Variants in DRC8 observed in about 807,000 individuals in gnomAD.
DRC8 encodes dynein regulatory complex protein 8.
the DRC8 span, among the ~76,000 whole-genome samples, chr1:245,003,366 C>T: frequency 6.6e-6 from 1 of 152,174 alleles, no homozygotes; most frequent in Non-Finnish European, 1.5e-5. Context: ...AACTACGATA[C>T]TGGTTTCCAA....
At chr1:245,034,599 T>TAAAA in the DRC8 span, among the ~76,000 whole-genome samples, 1 of 15,246 alleles carries the variant, frequency 6.6e-5, no homozygotes, top group African/African-American at 3.0e-4. Context: ...AGACTCCATC[T>TAAAA]CAAAAAAAAA....
the DRC8 span, among the ~76,000 whole-genome samples, chr1:245,054,421 G>T: frequency 6.6e-6 from 1 of 152,138 alleles, no homozygotes; most frequent in Admixed American, 6.5e-5. Context: ...TCAACGGAGA[G>T]TGCCCTTGTC....
chr1:245,007,564 A>G, the DRC8 span, among the ~76,000 whole-genome samples: 1 of 152,214 alleles, frequency 6.6e-6, no homozygotes, highest in Non-Finnish European at 1.5e-5. Flanking sequence ...ACAGACAGAC[A>G]TGGAAAGAGG....
chr1:244,978,757 T>C, the DRC8 span, among the ~76,000 whole-genome samples: 1 of 152,196 alleles, frequency 6.6e-6, no homozygotes, highest in East Asian at 1.9e-4. Context: ...CCCAAAGTGC[T>C]GGGATTACAG....
At chr1:245,057,916 T>G in the DRC8 span, among the ~76,000 whole-genome samples, 1 of 152,204 alleles carries the variant, frequency 6.6e-6, no homozygotes, top group Non-Finnish European at 1.5e-5. Context: ...TTTGTTCCTA[T>G]TAACCCAATA....
At chr1:244,979,030 A>G in the DRC8 span, among the ~76,000 whole-genome samples, 14 of 152,198 alleles carry the variant, frequency 9.2e-5, no homozygotes, top group East Asian at 2.7e-3. Flanking sequence ...GTGCCTGGGG[A>G]GAGTCACCTG....
the DRC8 span, among the ~76,000 whole-genome samples, chr1:245,070,010 A>T: frequency 6.6e-6 from 1 of 152,104 alleles, no homozygotes. Flanking sequence ...GCACCACCAC[A>T]CTCCAGCCTG....
chr1:245,084,434 C>T, the DRC8 span, among the ~76,000 whole-genome samples: 1 of 152,114 alleles, frequency 6.6e-6, no homozygotes, highest in Non-Finnish European at 1.5e-5. Context: ...TCATTTTTAA[C>T]ACTAAAAATG....
At chr1:245,047,297 C>T in the DRC8 span, among the ~76,000 whole-genome samples, 1 of 152,146 alleles carries the variant, frequency 6.6e-6, no homozygotes, top group African/African-American at 2.4e-5. Context: ...TATGGATTAT[C>T]TACTGTATTC....
chr1:245,063,909 G>A, the DRC8 span, among the ~76,000 whole-genome samples: 4 of 152,106 alleles, frequency 2.6e-5, no homozygotes, highest in Admixed American at 6.6e-5. Context: ...TTTTAGTAGA[G>A]ACGGGGTTTC....
the DRC8 span, among the ~76,000 whole-genome samples, chr1:245,073,888 A>G: frequency 6.6e-6 from 1 of 152,218 alleles, no homozygotes; most frequent in Non-Finnish European, 1.5e-5. Flanking sequence ...CACAAAGAAC[A>G]TGTATTATCT....
the DRC8 span, among the ~76,000 whole-genome samples, chr1:245,027,361 A>G: frequency 6.6e-6 from 1 of 152,248 alleles, no homozygotes. Context: ...GGAGGAAAGG[A>G]AAGGAAGGAA....
chr1:245,119,243 TC>T, the DRC8 span, among the ~76,000 whole-genome samples: 1 of 152,106 alleles, frequency 6.6e-6, no homozygotes, highest in African/African-American at 2.4e-5. Flanking sequence ...CTTCTAGTGG[TC>T]AAAATAATAA....
chr1:245,002,217 T>C, the DRC8 span: 4 of 1,608,914 alleles, frequency 2.5e-6, no homozygotes, highest in Non-Finnish European at 3.4e-6. Context: ...AATGACGGTG[T>C]TATGGGGAAC....
the DRC8 span, among the ~76,000 whole-genome samples, chr1:245,035,485 C>T: frequency 6.6e-6 from 1 of 152,096 alleles, no homozygotes. Context: ...ATAGTCTTTA[C>T]AACACATGAT....
the DRC8 span, among the ~76,000 whole-genome samples, chr1:245,009,193 G>A: frequency 1.1e-4 from 16 of 151,476 alleles, no homozygotes; most frequent in African/African-American, 3.9e-4. Context: ...GCACCACCAC[G>A]CCCGGCTAAT....
the DRC8 span, among the ~76,000 whole-genome samples, chr1:245,034,982 A>C: frequency 1.3e-5 from 2 of 152,154 alleles, no homozygotes; most frequent in African/African-American, 2.4e-5. Context: ...GAAAATTTCA[A>C]ATCTAATGAG....
At chr1:245,073,033 G>C in the DRC8 span, among the ~76,000 whole-genome samples, 1 of 152,176 alleles carries the variant, frequency 6.6e-6, no homozygotes, top group Non-Finnish European at 1.5e-5. Context: ...CCAGTCTCAA[G>C]TGTTTATAGC....
the DRC8 span, chr1:245,082,279 G>T: frequency 1.1e-6 from 1 of 870,822 alleles, no homozygotes. Flanking sequence ...GTGTCCTAAG[G>T]TGGCCTCCCT....
Sources: allele counts gnomAD v4.1 joint callset (sites outside exome capture counted in the v4.1 genomes callset), GRCh38; gene constraint gnomAD v4.1.1; transcripts MANE v1.5; gene names NCBI Gene and HGNC (gene_info 2026-07-23, HGNC 2026-07-21).